PRKN: variants seen among roughly 807,000 people sequenced by gnomAD.
PRKN encodes parkin RBR E3 ubiquitin protein ligase.
Under a neutral mutation model 59.5 loss-of-function variants are expected in PRKN, and 56 were observed. That is an observed-to-expected ratio of 0.94 (90% CI 0.76 to 1.18). PRKN has a LOEUF of 1.18. Ranked by LOEUF, PRKN falls within the 50% of genes most tolerant of loss-of-function variation. The pLI, the probability that PRKN is intolerant of heterozygous loss-of-function variation, is 0.00. For missense variants in PRKN, 657 were observed against 596.4 expected, an observed-to-expected ratio of 1.10 and a Z score of -1.06; for synonymous variants, 250 against 222.1, an observed-to-expected ratio of 1.13 and a Z score of -1.12.
chr6:162,323,305 G>GA (rs58269796), intron 2 of PRKN, among the ~76,000 whole-genome samples: 71,556 of 151,040 alleles, frequency 0.47, 17,539 homozygotes, highest in Middle Eastern at 0.54. Context: ...ACCACTTATA[G>GA]AAAAAAACAT....
intron 2 of PRKN, among the ~76,000 whole-genome samples, chr6:162,419,436 C>T (rs954710087): frequency 6.6e-5 from 10 of 152,158 alleles, no homozygotes; most frequent in Non-Finnish European, 2.9e-5. Flanking sequence ...CACAAAAACA[C>T]TATGAGGTGT....
At chr6:162,711,595 G>A (rs528152513) in intron 1 of PRKN, among the ~76,000 whole-genome samples, 1 of 152,212 alleles carries the variant, frequency 6.6e-6, no homozygotes, top group East Asian at 1.9e-4. Context: ...GGCTTCTCCT[G>A]CCTCCCAAGC....
At chr6:162,644,464 C>T (rs57387338) in intron 1 of PRKN, among the ~76,000 whole-genome samples, 36,919 of 152,104 alleles carry the variant, frequency 0.24, 5,485 homozygotes, top group African/African-American at 0.41. Flanking sequence ...TGCCAGCCCG[C>T]ACAGACCTAA....
At chr6:161,368,382 G>GATATATATATATATAT (rs34367069) in intron 10 of PRKN, among the ~76,000 whole-genome samples, 1,507 of 99,120 alleles carry the variant, frequency 0.015, 61 homozygotes, top group African/African-American at 0.023. Context: ...CCTCAGTCTT[G>GATATATATATATATAT]ATATATATAT....
At chr6:161,676,912 T>C (rs1785108391) in intron 7 of PRKN, among the ~76,000 whole-genome samples, 1 of 152,210 alleles carries the variant, frequency 6.6e-6, no homozygotes, top group Admixed American at 6.5e-5. Flanking sequence ...GTGTAATTAG[T>C]AGTTTAAGTA....
chr6:162,222,292 G>T (rs141628924), intron 3 of PRKN, among the ~76,000 whole-genome samples: 2 of 152,064 alleles, frequency 1.3e-5, no homozygotes, highest in African/African-American at 2.4e-5. Flanking sequence ...GTCAGAAATC[G>T]GTTGATTTTG....
chr6:162,661,113 T>C (rs1778858051), intron 1 of PRKN, among the ~76,000 whole-genome samples: 1 of 151,886 alleles, frequency 6.6e-6, no homozygotes, highest in Admixed American at 6.6e-5. Context: ...AATACAAAAT[T>C]AGCCAGGAGT....
Position 161,445,733 on chromosome 6 carries a change from G to A in PRKN, c.1084-58856C>T, listed in dbSNP as rs780375390. ...CCTTCACGTGCGGGGCCAGGTGACT[G>A]CACAGAGTGATGAGCTGGGCCCACT... On this transcript the variant is annotated intron_variant, in intron 9 of 11. Transcript: ENST00000366898. The surrounding 1 kb of genome is among the most constrained non-coding windows in gnomAD (Gnocchi z 7.7). 1.5e-4 allele frequency among the ~76,000 whole-genome samples: 23 copies of A among 152,216 alleles called. No individual in the cohort carries two copies. Among genetic ancestry groups the A allele is most frequent in the Non-Finnish European group, 2.9e-4 (20 of 68,040 alleles).
chr6:162,703,934 G>A (rs990169782), intron 1 of PRKN, among the ~76,000 whole-genome samples: 1 of 152,172 alleles, frequency 6.6e-6, no homozygotes, highest in Non-Finnish European at 1.5e-5. Flanking sequence ...GACTACAAGC[G>A]CATGACAGAG....
At chr6:161,726,146 G>C (rs1787432056) in intron 7 of PRKN, among the ~76,000 whole-genome samples, 1 of 152,238 alleles carries the variant, frequency 6.6e-6, no homozygotes, top group Non-Finnish European at 1.5e-5. Flanking sequence ...CATTCCTGCA[G>C]AGAGGGACTG....
chr6:162,541,830 G>T (rs1465587186), intron 1 of PRKN, among the ~76,000 whole-genome samples: 1 of 152,162 alleles, frequency 6.6e-6, no homozygotes, highest in African/African-American at 2.4e-5. Flanking sequence ...CTTAGTTTTT[G>T]TCTAGCAAGA....
At chr6:161,990,210 C>T (rs1320876980) in intron 5 of PRKN, among the ~76,000 whole-genome samples, 1 of 152,178 alleles carries the variant, frequency 6.6e-6, no homozygotes, top group Non-Finnish European at 1.5e-5. Flanking sequence ...CCTGTCCCCA[C>T]AAAAGCTTCA....
At chr6:161,635,095 C>G (rs1469838813) in intron 7 of PRKN, among the ~76,000 whole-genome samples, 1 of 152,136 alleles carries the variant, frequency 6.6e-6, no homozygotes, top group South Asian at 2.1e-4. Flanking sequence ...TTTGTCTGAC[C>G]TCCTTATTGG....
chr6:162,500,177 T>C (rs1793297253), intron 1 of PRKN, among the ~76,000 whole-genome samples: 1 of 150,602 alleles, frequency 6.6e-6, no homozygotes, highest in East Asian at 1.9e-4. Context: ...TTCTTCTTTT[T>C]TTTTTTTTTT....
Position 162,334,595 on chromosome 6 carries a change from T to C in PRKN, c.172-71830A>G, listed in dbSNP as rs1583398386. ...TCACCCGAAAGATACACAAGGAGAT[T>C]AATTTTGTTTTTATGCCTACTGACT... On this transcript the variant is annotated intron_variant, in intron 2 of 11. Transcript: ENST00000366898. Among the ~76,000 whole-genome samples, 12 of 152,300 alleles carry C rather than the reference T, an allele frequency of 7.9e-5. No individual in the cohort carries two copies. The South Asian group carries it at 2.5e-3, about 32-fold the overall frequency.
intron 6 of PRKN, among the ~76,000 whole-genome samples, chr6:161,802,476 C>T (rs1403016483): frequency 2.6e-5 from 4 of 151,490 alleles, no homozygotes; most frequent in Non-Finnish European, 5.9e-5. Context: ...CACACACGCC[C>T]CCCACACACC....
intron 2 of PRKN, among the ~76,000 whole-genome samples, chr6:162,284,215 C>CTTTTTTTTTTTTTTTTTTTTTTTTT (rs35609309): frequency 1.3e-5 from 1 of 75,678 alleles, no homozygotes; most frequent in Non-Finnish European, 2.5e-5. Flanking sequence ...TTATTTCTTT[C>CTTTTTTTTTTTTTTTTTTTTTTTTT]TTTTTTTTTT....
chr6:162,034,076 G>A (rs1050751320), intron 5 of PRKN, among the ~76,000 whole-genome samples: 18 of 151,606 alleles, frequency 1.2e-4, no homozygotes, highest in African/African-American at 3.6e-4. Context: ...AAAATAAAGG[G>A]GAGCAGCAAA....
chr6:162,497,277 T>C (rs1183328084), intron 1 of PRKN, among the ~76,000 whole-genome samples: 1 of 152,210 alleles, frequency 6.6e-6, no homozygotes, highest in East Asian at 1.9e-4. Context: ...AATTTAAACT[T>C]GGCAAGTAGT....
Sources: allele counts gnomAD v4.1 joint callset (sites outside exome capture counted in the v4.1 genomes callset), GRCh38; gene constraint gnomAD v4.1.1; non-coding constraint Gnocchi (gnomAD v3.1); transcripts MANE v1.5; gene names NCBI Gene and HGNC (gene_info 2026-07-23, HGNC 2026-07-21).